MGAT4C: variants seen among roughly 807,000 people sequenced by gnomAD.
The protein encoded by MGAT4C is alpha-1,3-mannosyl-glycoprotein 4-beta-N-acetylglucosaminyltransferase C.
MGAT4C carries 19 observed loss-of-function variants against 40.1 expected under a neutral mutation model. That is an observed-to-expected ratio of 0.47 (90% confidence interval 0.33 to 0.70). The LOEUF (loss-of-function observed/expected upper bound fraction) is 0.70. MGAT4C is among the 30% of genes least tolerant of loss of function. MGAT4C has a pLI of 0.02. For synonymous variants in MGAT4C, 181 were observed against 187.1 expected (o/e 0.97, Z 0.27); for missense variants, 491 against 563.2 (o/e 0.87, Z 1.30).
At chr12:86,502,350 G>A (rs1419475587) in intron 2 of MGAT4C, among the ~76,000 whole-genome samples, 1 of 151,860 alleles carries the variant, frequency 6.6e-6, no homozygotes, top group Non-Finnish European at 1.5e-5. Context: ...TGGGGTGAAG[G>A]AAGAAAATAT....
intron 1 of MGAT4C, among the ~76,000 whole-genome samples, chr12:86,073,317 C>T (rs188525239): frequency 3.8e-4 from 57 of 151,856 alleles, no homozygotes; most frequent in Non-Finnish European, 6.6e-4. Flanking sequence ...TAAATTACCC[C>T]GTCTTGGGTA....
At chr12:86,236,826 C>G (rs567851783) in intron 1 of MGAT4C, among the ~76,000 whole-genome samples, 1 of 151,896 alleles carries the variant, frequency 6.6e-6, no homozygotes, top group Non-Finnish European at 1.5e-5. Flanking sequence ...TATTCTGCAG[C>G]CATGAGACTA....
chr12:86,709,197 AGG>A (rs998860410), intron 2 of MGAT4C, among the ~76,000 whole-genome samples: 1 of 152,110 alleles, frequency 6.6e-6, no homozygotes, highest in Non-Finnish European at 1.5e-5. Context: ...TGGTTTTATA[AGG>A]GAAGTTTCCC....
intron 2 of MGAT4C, among the ~76,000 whole-genome samples, chr12:86,631,800 C>A (rs1232344053): frequency 1.3e-5 from 2 of 152,036 alleles, no homozygotes; most frequent in Non-Finnish European, 2.9e-5. Flanking sequence ...ACTATAAAAA[C>A]CCTAGAAGAA....
At position 86,718,833 on chromosome 12, in the gene MGAT4C, T is replaced by G. The variant is rs558113225; in HGVS notation, c.-229+8376A>C. Among the ~76,000 whole-genome samples the G allele has an allele frequency of 3.1e-3, 479 of 152,162 alleles. 1 individual carries two copies. The highest frequency in any genetic ancestry group is 0.01 in the African/African-American group (429 of 41,514). On this transcript the variant is annotated intron_variant, in intron 2 of 7. Coordinates refer to the MGAT4C transcript ENST00000548651. ...TGTCTGTTTATCTGAGGTGGGTCAGTTTCATCCCCAAACCATCCCACCCCC... is the reference window on the plus strand; with the variant it reads ...TGTCTGTTTATCTGAGGTGGGTCAGGTTCATCCCCAAACCATCCCACCCCC...
At chr12:86,241,090 A>G (rs561987231) in intron 1 of MGAT4C, among the ~76,000 whole-genome samples, 3 of 152,258 alleles carry the variant, frequency 2.0e-5, no homozygotes, top group South Asian at 4.1e-4. Flanking sequence ...TACACAGGTG[A>G]TTTTGTTATC....
intron 3 of MGAT4C, among the ~76,000 whole-genome samples, chr12:86,402,079 C>G (rs2136237302): frequency 6.6e-6 from 1 of 151,778 alleles, no homozygotes; most frequent in African/African-American, 2.4e-5. Context: ...AAAATCTTTG[C>G]CCTTTAAGGG....
chr12:86,227,023 A>G (rs961142967), intron 1 of MGAT4C, among the ~76,000 whole-genome samples: 1 of 151,852 alleles, frequency 6.6e-6, no homozygotes, highest in Non-Finnish European at 1.5e-5. Context: ...TTTAAACTTC[A>G]TTGCAAATTT....
intron 2 of MGAT4C, among the ~76,000 whole-genome samples, chr12:86,657,806 A>G (rs1426176236): frequency 1.3e-5 from 2 of 152,010 alleles, no homozygotes; most frequent in Admixed American, 1.3e-4. Flanking sequence ...ATTAAAATAC[A>G]GTGAAATATT....
intron 1 of MGAT4C, among the ~76,000 whole-genome samples, chr12:86,245,572 C>T (rs1409092521): frequency 6.6e-6 from 1 of 152,146 alleles, no homozygotes; most frequent in Non-Finnish European, 1.5e-5. Context: ...GTATCTTTGT[C>T]ACATAGAGGT....
At chr12:86,326,741 C>A (rs1214325922) in intron 4 of MGAT4C, among the ~76,000 whole-genome samples, 1 of 151,950 alleles carries the variant, frequency 6.6e-6, no homozygotes, top group African/African-American at 2.4e-5. Context: ...TGTATCGTAC[C>A]ATTTTCTATT....
At chr12:86,426,491 A>G (rs1287271160) in intron 3 of MGAT4C, among the ~76,000 whole-genome samples, 1 of 152,224 alleles carries the variant, frequency 6.6e-6, no homozygotes, top group East Asian at 1.9e-4. Flanking sequence ...ACCATATACA[A>G]ATAAGGAAAC....
At chr12:86,419,036 A>G (rs1401629423) in intron 3 of MGAT4C, among the ~76,000 whole-genome samples, 1 of 152,180 alleles carries the variant, frequency 6.6e-6, no homozygotes, top group East Asian at 1.9e-4. Context: ...AAAAGACGTT[A>G]CAGAACAGCA....
chr12:86,329,199 G>C, intron 4 of MGAT4C, among the ~76,000 whole-genome samples: 1 of 151,788 alleles, frequency 6.6e-6, no homozygotes, highest in African/African-American at 2.4e-5. Context: ...AAACACACTT[G>C]TTAGAGTTAC....
chr12:86,575,936 A>G (rs778929652), intron 2 of MGAT4C, among the ~76,000 whole-genome samples: 33 of 151,872 alleles, frequency 2.2e-4, no homozygotes, highest in Non-Finnish European at 3.4e-4. Context: ...TTACTAATTT[A>G]CATTCCCACC....
intron 1 of MGAT4C, among the ~76,000 whole-genome samples, chr12:86,248,207 C>CTTCCTTCT (rs1269701185): frequency 4.5e-5 from 6 of 133,092 alleles, no homozygotes; most frequent in African/African-American, 1.8e-4. Context: ...TCCTTCCTTC[C>CTTCCTTCT]TTCCTTCCTT....
chr12:86,305,972 A>T (rs1183867809), intron 4 of MGAT4C, among the ~76,000 whole-genome samples: 1 of 150,476 alleles, frequency 6.6e-6, no homozygotes, highest in Non-Finnish European at 1.5e-5. Context: ...AAATTGTTTT[A>T]CTTTCAGATG....
rs142178496 is a variant in MGAT4C, at chr12:86,694,555, T to G, written c.-229+32654A>C. Among the ~76,000 whole-genome samples, 551 of 152,308 alleles carry G rather than the reference T, an allele frequency of 3.6e-3. 2 individuals are homozygous for G. The highest frequency in any genetic ancestry group is 0.012 in the African/African-American group (494 of 41,580). On this transcript the variant is annotated intron_variant, in intron 2 of 7. Transcript: ENST00000548651. ...TGATGTATTTTTTCCTTGATTGATG[T>G]AATTCAAATGAGATATATCTTTCAG...
At chr12:86,191,686 G>A (rs1889497441) in intron 1 of MGAT4C, among the ~76,000 whole-genome samples, 1 of 136,250 alleles carries the variant, frequency 7.3e-6, no homozygotes, top group Admixed American at 7.4e-5. Context: ...CTTATCTCCT[G>A]TAGCAAAATT....
Sources: gnomAD v4.1 joint callset for allele counts (sites outside exome capture counted in the v4.1 genomes callset) on GRCh38, gnomAD v4.1.1 for gene constraint, MANE v1.5 for transcripts, NCBI Gene and HGNC (gene_info 2026-07-23, HGNC 2026-07-21) for gene names.